DLGAP1: variants seen among roughly 807,000 people sequenced by gnomAD.
DLGAP1 encodes DLG associated protein 1.
In DLGAP1, 11 loss-of-function variants were observed where a neutral mutation model predicts 90.8. The observed-to-expected ratio is 0.12, with a 90% CI of 0.08 to 0.20. DLGAP1 has a LOEUF of 0.20. DLGAP1 is among the 10% of genes least tolerant of loss of function. The pLI is 1.00. For missense variants in DLGAP1, 1,050 were observed against 1,333.8 expected (o/e 0.79, Z 3.31); for synonymous variants, 558 against 540.7 (o/e 1.03, Z -0.44).
chr18:3,792,030 A>G (rs1489888145), intron 5 of DLGAP1, among the ~76,000 whole-genome samples: 1 of 152,194 alleles, frequency 6.6e-6, no homozygotes, highest in Non-Finnish European at 1.5e-5. Context: ...ACCCCACTAT[A>G]GCTGGCTGGC....
intron 4 of DLGAP1, chr18:3,821,895 A>G (rs2067440099): frequency 3.0e-6 from 3 of 985,034 alleles, no homozygotes; most frequent in Admixed American, 6.2e-5. Flanking sequence ...TACTCACTCG[A>G]TTTCTTTGCA....
At chr18:4,296,223 T>C (rs76828150) in intron 1 of DLGAP1, among the ~76,000 whole-genome samples, 3,301 of 152,274 alleles carry the variant, frequency 0.022, 59 homozygotes, top group Non-Finnish European at 0.034. Context: ...CTTTACCTTC[T>C]AGTAAACAGT....
At chr18:3,996,410 T>C (rs1440044351) in intron 3 of DLGAP1, among the ~76,000 whole-genome samples, 1 of 152,116 alleles carries the variant, frequency 6.6e-6, no homozygotes, top group African/African-American at 2.4e-5. Context: ...CTTTTACGTA[T>C]GCTTGTAACA....
At chr18:4,321,076 T>C (rs897397728) in intron 1 of DLGAP1, among the ~76,000 whole-genome samples, 1 of 152,224 alleles carries the variant, frequency 6.6e-6, no homozygotes, top group Admixed American at 6.5e-5. Flanking sequence ...AATCCCCTTT[T>C]TCTCATCTCT....
rs1599213916 is a variant in DLGAP1, at chr18:3,954,741, A to C, written c.-73+50375T>G. Among the ~76,000 whole-genome samples the C allele has an allele frequency of 2.6e-5, 4 of 152,334 alleles. No homozygotes were observed. The South Asian group carries it at 8.3e-4, about 32-fold the overall frequency. On this transcript the variant is annotated intron_variant, in intron 3 of 12. Transcript: ENST00000315677. ...TACTTCTTCCTAAGACAGTGTTACG[A>C]GGGGCAGATTTACCTCACGCCTGAA...
chr18:3,667,607 C>G (rs2059929289), intron 7 of DLGAP1, among the ~76,000 whole-genome samples: 3 of 152,130 alleles, frequency 2.0e-5, no homozygotes, highest in African/African-American at 7.2e-5. Context: ...CCCCAAAACA[C>G]AAAGAAATGC....
At chr18:3,831,641 T>C (rs550803506) in intron 4 of DLGAP1, among the ~76,000 whole-genome samples, 11 of 152,318 alleles carry the variant, frequency 7.2e-5, no homozygotes, top group African/African-American at 2.2e-4. Context: ...AACAAAGAAA[T>C]TGACATCCAG....
chr18:4,390,166 G>GAAAAA (rs5822813), intron 1 of DLGAP1, among the ~76,000 whole-genome samples: 1 of 147,180 alleles, frequency 6.8e-6, no homozygotes. Context: ...CAAATTGTGT[G>GAAAAA]AAAAAAAAAA....
At chr18:3,786,844 TG>T (rs2065471146) in intron 5 of DLGAP1, among the ~76,000 whole-genome samples, 1 of 152,174 alleles carries the variant, frequency 6.6e-6, no homozygotes, top group Non-Finnish European at 1.5e-5. Context: ...ATCAGAAACT[TG>T]GTATTAATGA....
At position 3,582,063 on chromosome 18, in the gene DLGAP1, G is replaced by A; in HGVS notation, c.1777C>T (p.Leu593=). ...GCTGTCAGAGCCTTCATACTGTCCA[G>A]GCTCTCGGTGGAGTTGCTGAGTCCA... ...QSGLSNSTES[L]DSMKALTAAI... The change falls in exon 8 of 13, where the codon CTG becomes TTG. Residue 593 remains leucine, a synonymous_variant. Transcript: ENST00000315677. The A allele has an allele frequency of 6.2e-7, 1 of 1,613,980 alleles. No individual in the cohort carries two copies. Among genetic ancestry groups the A allele is most frequent in the Non-Finnish European group, 8.5e-7 (1 of 1,180,008 alleles).
intron 2 of DLGAP1, among the ~76,000 whole-genome samples, chr18:4,037,754 G>A (rs990894535): frequency 1.3e-5 from 2 of 152,156 alleles, no homozygotes; most frequent in Admixed American, 6.5e-5. Context: ...GAGGTCAGGA[G>A]CTCAAGACCA....
chr18:3,867,784 T>A (rs907934361), intron 4 of DLGAP1, among the ~76,000 whole-genome samples: 15 of 152,232 alleles, frequency 9.9e-5, no homozygotes, highest in African/African-American at 2.7e-4. Flanking sequence ...TGTTTTTTTT[T>A]ATTTTTTGTT....
At chr18:3,958,369 G>C (rs1184623558) in intron 3 of DLGAP1, among the ~76,000 whole-genome samples, 1 of 151,136 alleles carries the variant, frequency 6.6e-6, no homozygotes, top group East Asian at 2.0e-4. Flanking sequence ...TGCATGATAA[G>C]GAGGTAGAAG....
chr18:4,054,690 G>A (rs2075186416), intron 2 of DLGAP1, among the ~76,000 whole-genome samples: 1 of 152,186 alleles, frequency 6.6e-6, no homozygotes, highest in African/African-American at 2.4e-5. Flanking sequence ...AGATGACAAT[G>A]CTACAGGTGC....
chr18:4,131,191 C>T (rs894835992), intron 2 of DLGAP1, among the ~76,000 whole-genome samples: 1 of 147,990 alleles, frequency 6.8e-6, no homozygotes, highest in Non-Finnish European at 1.5e-5. Context: ...AGGAAAAAAA[C>T]GTGGGCGTGT....
intron 3 of DLGAP1, chr18:4,004,910 GTGT>G (rs2074270332): frequency 8.0e-4 from 6 of 7,506 alleles, no homozygotes; most frequent in South Asian, 5.8e-3. Context: ...AGGGAAGGGT[GTGT>G]GTGTGTGTGT....
intron 2 of DLGAP1, among the ~76,000 whole-genome samples, chr18:4,099,454 C>A (rs1227830434): frequency 6.6e-6 from 1 of 152,050 alleles, no homozygotes; most frequent in Non-Finnish European, 1.5e-5. Flanking sequence ...TTTCCCAATG[C>A]GTGTAAGAGT....
chr18:4,392,763 T>G (rs1266643692), intron 1 of DLGAP1, among the ~76,000 whole-genome samples: 1 of 152,228 alleles, frequency 6.6e-6, no homozygotes, highest in African/African-American at 2.4e-5. Flanking sequence ...TCAAACTGTC[T>G]GCTTGGCATT....
chr18:4,083,226 T>C (rs538539322), intron 2 of DLGAP1, among the ~76,000 whole-genome samples: 17 of 152,358 alleles, frequency 1.1e-4, no homozygotes, highest in African/African-American at 3.8e-4. Flanking sequence ...ATCTTATAAA[T>C]TCTGCTGTTT....
Sources: allele counts gnomAD v4.1 joint callset (sites outside exome capture counted in the v4.1 genomes callset), GRCh38; gene constraint gnomAD v4.1.1; transcripts MANE v1.5; gene names NCBI Gene and HGNC (gene_info 2026-07-23, HGNC 2026-07-21).